Variants in NR1I3 observed in about 807,000 individuals in gnomAD.
The protein encoded by NR1I3 is constitutive activator of retinoid response.
NR1I3 carries 30 observed loss-of-function variants against 38.4 expected under a neutral mutation model. That is an observed-to-expected ratio of 0.78 (90% CI 0.58 to 1.06). The LOEUF (loss-of-function observed/expected upper bound fraction) is 1.06, where lower values mean the gene tolerates loss of function less well. Ranked by LOEUF, NR1I3 falls within the 50% of genes least tolerant of loss-of-function variation. The pLI, the probability that NR1I3 is intolerant of heterozygous loss-of-function variation, is 0.00. For synonymous variants in NR1I3, 143 were observed against 165.1 expected, an observed-to-expected ratio of 0.87 and a Z score of 1.03; for missense variants, 388 against 435.7, an observed-to-expected ratio of 0.89 and a Z score of 0.97.
chr1:161,231,138 C>T lies in NR1I3; in HGVS notation c.790G>A (p.Ala264Thr). ...TCACCAGGAGAGAAGAGGGCCATGG[C>T]AGCCAAGAGCACATACTCAGGCTCT... is the stretch of plus-strand genomic sequence containing the variant. Reference protein sequence around the residue: ...LQEPEYVLLAAMALFSPDRPG... With the variant: ...LQEPEYVLLATMALFSPDRPG... The change falls in exon 7 of 9, where the codon GCC becomes ACC. Residue 264 changes from alanine to threonine, a missense_variant. Physicochemically the swap from Ala to Thr is moderately conservative, Grantham distance 58. Transcript: ENST00000367983. 1 of 1,614,146 alleles carries T rather than the reference C, an allele frequency of 6.2e-7. No individual in the cohort carries two copies. Among genetic ancestry groups the T allele is most frequent in the Non-Finnish European group, 8.5e-7 (1 of 1,180,036 alleles).
In NR1I3 at chr1:161,233,288, GC is replaced by G. The variant is rs776959559; in HGVS notation, c.288del (p.Gln96HisfsTer11). 227 of 1,614,134 alleles carry G rather than the reference GC, an allele frequency of 1.4e-4. No individual in the cohort carries two copies. Among genetic ancestry groups the G allele is most frequent in the Non-Finnish European group, 1.8e-4 (218 of 1,180,030 alleles). On this transcript the variant is annotated frameshift_variant, in exon 4 of 9. Transcript: ENST00000367983. LOFTEE classifies it high-confidence loss of function. ...TGCACAGGTGTTTGCTGTGCCCGCC[GC>G]TGGGCCTGCTTTGCTCGCCGCAATG... is the stretch of plus-strand genomic sequence containing the variant. ...ALALRRAKQAQRRAQQTPVQL... is the reference protein window; with the variant it reads ...ALALRRAKQAXRRAQQTPVQL...
At position 161,229,841 on chromosome 1, in the gene NR1I3, C is replaced by G. The variant is rs752094371; in HGVS notation, c.1003G>C (p.Gly335Arg). ...AGCAGCGGCATCATGGCAGACAGGC[C>G]CTGGATGTGCTGGATTTGGTACCCG... ...AYGYQIQHIQ[G>R]LSAMMPLLQE... Residue 335 changes from glycine (G) to arginine (R), a missense_variant, in exon 9 of 9, where the codon GGC (glycine) becomes CGC (arginine). Gly to Arg is a moderately radical substitution (Grantham distance 125, BLOSUM62 -2). Transcript: ENST00000367983. The G allele has an allele frequency of 6.2e-7, 1 of 1,614,144 alleles. No homozygotes were observed. The highest frequency in any genetic ancestry group is 8.5e-7 in the Non-Finnish European group (1 of 1,180,032).
chr1:161,234,981 A>G (rs549687180), intron 3 of NR1I3, among the ~76,000 whole-genome samples: 2 of 152,220 alleles, frequency 1.3e-5, no homozygotes, highest in African/African-American at 2.4e-5. Flanking sequence ...CTCTACTAAA[A>G]ATACAAAAAA....
chr1:161,234,120 C>T (rs1668079979), intron 3 of NR1I3, among the ~76,000 whole-genome samples: 1 of 151,126 alleles, frequency 6.6e-6, no homozygotes, highest in South Asian at 2.1e-4. Flanking sequence ...AGCCTCCTGA[C>T]TAGCTGGGAT....
intron 5 of NR1I3, 59 bp from the exon 6 acceptor site, chr1:161,231,533 C>CAGA: frequency 6.5e-7 from 1 of 1,544,948 alleles, no homozygotes; most frequent in Non-Finnish European, 8.7e-7. Context: ...GACAGAGTCT[C>CAGA]ACTGTCACCC....
Position 161,233,344 on chromosome 1 carries a change from C to T in NR1I3, c.239-6G>A, listed in dbSNP as rs1319803812. The T allele has an allele frequency of 6.2e-7, 1 of 1,611,924 alleles. No homozygotes were observed. The highest frequency in any genetic ancestry group is 1.1e-5 in the South Asian group (1 of 91,038). On this transcript the variant is annotated splice_polypyrimidine_tract_variant and splice_region_variant and intron_variant, in intron 3 of 8. Transcript: ENST00000367983. The stretch of plus-strand genomic sequence containing the variant: ...GGCTTCTGCCGACAGTATCACTGTG[C>T]CAGGCAAGAGATCATGACAAAGCTG...
chr1:161,233,760 T>C (rs1222560307), intron 3 of NR1I3, among the ~76,000 whole-genome samples: 3 of 151,454 alleles, frequency 2.0e-5, no homozygotes, highest in Non-Finnish European at 4.4e-5. Context: ...TTTAGCAAAA[T>C]TTCAAAACTT....
chr1:161,231,507 A>ATT (rs111679990), intron 5 of NR1I3, 33 bp from the exon 6 acceptor site: 23 of 1,282,976 alleles, frequency 1.8e-5, no homozygotes, highest in South Asian at 1.1e-4. Context: ...ACACTTTTCA[A>ATT]TTTTTTTTTT....
At chr1:161,236,915 A>ATT (rs58528236) in intron 1 of NR1I3, among the ~76,000 whole-genome samples, 7,347 of 144,954 alleles carry the variant, frequency 0.051, 277 homozygotes, top group East Asian at 0.11. Flanking sequence ...TTATTTATTT[A>ATT]TTTTTTTTGT....
At chr1:161,237,260 C>A (rs1668784527) in intron 1 of NR1I3, among the ~76,000 whole-genome samples, 1 of 148,466 alleles carries the variant, frequency 6.7e-6, no homozygotes, top group Admixed American at 6.8e-5. Context: ...GGCTGGAGGG[C>A]AGTGGTGCAA....
chr1:161,232,355 C>T (rs572282270), intron 5 of NR1I3, among the ~76,000 whole-genome samples: 39 of 152,064 alleles, frequency 2.6e-4, no homozygotes, highest in Non-Finnish European at 4.9e-4. Context: ...TGGAATGCAG[C>T]GGTGCTATCT....
chr1:161,233,453 G>C lies in NR1I3; in HGVS notation c.239-115C>G, dbSNP rs554607533. The C allele has an allele frequency of 3.7e-4, 416 of 1,110,960 alleles. 2 individuals carry two copies. The highest frequency in any genetic ancestry group is 7.8e-5 in the Non-Finnish European group (60 of 772,976). 68.8% of individuals were successfully genotyped at this position (1,110,960 alleles called of 1,614,324 possible). A position where few individuals can be genotyped will look rare whatever the true frequency, so the allele number is the denominator to read the frequency against. On this transcript the variant is annotated intron_variant, in intron 3 of 8. Coordinates refer to ENST00000367983, the MANE Select transcript of NR1I3 (RefSeq NM_005122.5). ...CTGCACAACGAAGGATGGGGGCAGTGGGGGGAATTCCTGAGACTTTCTTGG... is the reference window on the plus strand; with the variant it reads ...CTGCACAACGAAGGATGGGGGCAGTCGGGGGAATTCCTGAGACTTTCTTGG...
chr1:161,229,713 G>C lies in NR1I3; in HGVS notation c.*84C>G. 1 of 1,614,162 alleles carries C rather than the reference G, an allele frequency of 6.2e-7. No individual in the cohort carries two copies. The highest frequency in any genetic ancestry group is 8.5e-7 in the Non-Finnish European group (1 of 1,180,022). On this transcript the variant is annotated 3_prime_UTR_variant, in exon 9 of 9. Transcript: ENST00000367983. ...CAACCACTGGGCTCCCTTTGAACCC[G>C]GCCCAATCTTTGGTCCCAGCATTTT...
chr1:161,230,675 CA>C (rs1357842833), intron 8 of NR1I3, 137 bp downstream of exon 8: 10 of 1,093,120 alleles, frequency 9.1e-6, no homozygotes, highest in African/African-American at 1.6e-5. Context: ...CAGGGATGGC[CA>C]GGGGGAAGGA....
Position 161,236,554 on chromosome 1 carries a change from C to G in NR1I3, c.12G>C (p.Arg4Ser), listed in dbSNP as rs1668635438. The G allele has an allele frequency of 2.5e-6, 4 of 1,614,104 alleles. No homozygotes were observed. Among genetic ancestry groups the G allele is most frequent in the Middle Eastern group, 1.6e-4 (1 of 6,062 alleles). MASREDELRNCVVC... is the reference protein window; with the variant it reads MASSEDELRNCVVC... ...CCACACAGTTCCTCAGCTCATCTTCCCTACTGGCCATGACGTCACGTGTTG... is the reference window on the plus strand; with the variant it reads ...CCACACAGTTCCTCAGCTCATCTTCGCTACTGGCCATGACGTCACGTGTTG... Residue 4 changes from arginine (R) to serine (S), a missense_variant, in exon 2 of 9, where the codon AGG (arginine) becomes AGC (serine). Arg to Ser is a moderately radical substitution (Grantham distance 110). Transcript: ENST00000367983.
intron 1 of NR1I3, among the ~76,000 whole-genome samples, chr1:161,237,713 A>C (rs1366890578): frequency 1.3e-5 from 2 of 151,898 alleles, no homozygotes; most frequent in African/African-American, 4.8e-5. Flanking sequence ...GCGAGACTCC[A>C]TCTCAAAAAA....
In NR1I3 at chr1:161,238,095, C is replaced by T; in HGVS notation, c.-88G>A. On this transcript the variant is annotated 5_prime_UTR_variant, in exon 1 of 9. Coordinates refer to ENST00000367983, the MANE Select transcript of NR1I3 (RefSeq NM_005122.5). ...AGGCCACAGAATCTGGTATGGAATG[C>T]CTCTCCCCAAACTCCCACGCTGTTG... is the stretch of plus-strand genomic sequence containing the variant. 6.2e-7 allele frequency: 1 copy of T among 1,613,322 alleles called. No individual in the cohort carries two copies. Among genetic ancestry groups the T allele is most frequent in the Non-Finnish European group, 8.5e-7 (1 of 1,179,314 alleles).
intron 5 of NR1I3, 36 bp from the exon 6 acceptor site, chr1:161,231,510 T>TC: frequency 6.4e-7 from 1 of 1,573,068 alleles, no homozygotes; most frequent in Non-Finnish European, 8.5e-7. Context: ...CTTTTCAATT[T>TC]TTTTTTTTCT....
At chr1:161,236,379 G>A (rs1293343362) in intron 2 of NR1I3, 80 bp downstream of exon 2, 1 of 1,538,868 alleles carries the variant, frequency 6.5e-7, no homozygotes, top group Non-Finnish European at 8.9e-7. Context: ...GGACAGGCTT[G>A]GGCACCAGCG....
Sources: gnomAD v4.1 joint callset for allele counts (sites outside exome capture counted in the v4.1 genomes callset) on GRCh38, gnomAD v4.1.1 for gene constraint, MANE v1.5 for transcripts, NCBI Gene and HGNC (gene_info 2026-07-23, HGNC 2026-07-21) for gene names.